The following PSD3 variants were observed in gnomAD, a reference collection of about 807,000 sequenced individuals.
The protein encoded by PSD3 is PH and SEC7 domain-containing protein 3.
A neutral mutation model predicts 105.5 loss-of-function variants in PSD3; 49 were observed. The observed-to-expected ratio is 0.46, with a 90% CI of 0.37 to 0.59. The LOEUF (loss-of-function observed/expected upper bound fraction) is 0.59, where lower values mean the gene tolerates loss of function less well. PSD3 is among the 20% of genes least tolerant of loss of function. The pLI is 0.00. For synonymous variants in PSD3, 557 were observed against 457.8 expected, an observed-to-expected ratio of 1.22 and a Z score of -2.77; for missense variants, 1,561 against 1,263.8, an observed-to-expected ratio of 1.24 and a Z score of -3.57.
intron 15 of PSD3, among the ~76,000 whole-genome samples, chr8:18,541,086 G>T (rs892025538): frequency 6.6e-5 from 10 of 151,076 alleles, no homozygotes; most frequent in Non-Finnish European, 2.9e-5. Flanking sequence ...ATCTAAAACT[G>T]GAACACCTAC....
Position 18,557,575 on chromosome 8 carries a change from C to T in PSD3, c.2785-1223G>A, listed in dbSNP as rs184175900. 2.3e-3 allele frequency: 356 copies of T among 153,720 alleles called. 2 individuals carry two copies. Among genetic ancestry groups the T allele is most frequent in the African/African-American group, 7.5e-3 (313 of 41,498 alleles). The allele number at this position is 153,720 out of a possible 1,614,324, so 9.5% of individuals were successfully genotyped here. ...AATGACAAGTAAAAAGCAGAGGACACGAATGGAAAAATGAACAAGAAAGGT... is the reference window on the plus strand; with the variant it reads ...AATGACAAGTAAAAAGCAGAGGACATGAATGGAAAAATGAACAAGAAAGGT... On this transcript the variant is annotated intron_variant, in intron 14 of 15. Coordinates refer to ENST00000327040, the MANE Select transcript of PSD3 (RefSeq NM_015310.4).
At chr8:19,081,702 A>G (rs1829651323) in intron 1 of PSD3, among the ~76,000 whole-genome samples, 1 of 152,152 alleles carries the variant, frequency 6.6e-6, no homozygotes, top group East Asian at 1.9e-4. Context: ...TCCTTATAAT[A>G]CTTGGAAAGA....
At chr8:18,673,986 T>A (rs1435332731) in intron 9 of PSD3, among the ~76,000 whole-genome samples, 2 of 151,688 alleles carry the variant, frequency 1.3e-5, no homozygotes, top group Non-Finnish European at 2.9e-5. Context: ...TACAAAAAAA[T>A]TAAAAAATGA....
intron 15 of PSD3, among the ~76,000 whole-genome samples, chr8:18,543,228 A>G (rs1334604440): frequency 6.6e-6 from 1 of 151,668 alleles, no homozygotes; most frequent in Non-Finnish European, 1.5e-5. Flanking sequence ...TGTCTACTCA[A>G]GTAAAATTCT....
At chr8:19,019,498 A>C (rs1326232197) in intron 1 of PSD3, among the ~76,000 whole-genome samples, 2 of 152,190 alleles carry the variant, frequency 1.3e-5, no homozygotes, top group Non-Finnish European at 2.9e-5. Flanking sequence ...GCTTAAGTGC[A>C]CAGATAGGAT....
intron 9 of PSD3, among the ~76,000 whole-genome samples, chr8:18,755,087 T>A (rs1206725143): frequency 6.6e-6 from 1 of 152,100 alleles, no homozygotes; most frequent in Non-Finnish European, 1.5e-5. Context: ...TACATGCTCA[T>A]GTTAGTGAGA....
rs138006849 is a variant in PSD3 at position 18,900,471 on chromosome 8, T to C, written c.131-27738A>G. 7.0e-3 allele frequency among the ~76,000 whole-genome samples: 1,063 copies of C among 152,170 alleles called. 4 individuals carry two copies. Among genetic ancestry groups the C allele is most frequent in the Middle Eastern group, 0.02 (6 of 294 alleles). ...ACCACAGCTGCAGACCTCAATCCAT[T>C]TGGTACATATCAAGCAATTCACCCT... On this transcript the variant is annotated intron_variant, in intron 2 of 15. Coordinates refer to ENST00000327040, the MANE Select transcript of PSD3 (RefSeq NM_015310.4).
chr8:18,650,502 C>T (rs948500912), intron 10 of PSD3, among the ~76,000 whole-genome samples: 5 of 152,332 alleles, frequency 3.3e-5, no homozygotes, highest in South Asian at 2.1e-4. Context: ...TCCTATATGA[C>T]GTAGCAGAGA....
At chr8:18,677,706 C>A (rs1250929777) in intron 9 of PSD3, among the ~76,000 whole-genome samples, 1 of 152,160 alleles carries the variant, frequency 6.6e-6, no homozygotes, top group African/African-American at 2.4e-5. Flanking sequence ...GGCTAAGGAT[C>A]ACAGTAAAAC....
intron 9 of PSD3, among the ~76,000 whole-genome samples, chr8:18,738,849 A>C (rs1471006151): frequency 6.6e-6 from 1 of 152,114 alleles, no homozygotes; most frequent in Non-Finnish European, 1.5e-5. Context: ...AACAAAAAAA[A>C]CACCAAGAAA....
chr8:18,781,824 G>A lies in PSD3; in HGVS notation c.2083-16286C>T, dbSNP rs1808663322. On this transcript the variant is annotated intron_variant, in intron 8 of 15. Transcript: ENST00000327040. ...CCATTACCCATCTGTTCTCTTCCAG[G>A]AAAACTGAAAATTCCACTATTTCGT... Among the ~76,000 whole-genome samples, 3 of 152,004 alleles carry A rather than the reference G, an allele frequency of 2.0e-5. No homozygotes were observed. The South Asian group carries it at 6.2e-4, about 32-fold the overall frequency.
intron 8 of PSD3, among the ~76,000 whole-genome samples, chr8:18,784,532 G>C (rs888307774): frequency 1.3e-5 from 2 of 152,118 alleles, no homozygotes; most frequent in East Asian, 3.8e-4. Flanking sequence ...CCCAAGTTTC[G>C]GGTGTCAATT....
chr8:18,644,457 G>C (rs1371878000), intron 10 of PSD3, among the ~76,000 whole-genome samples: 3 of 152,120 alleles, frequency 2.0e-5, no homozygotes, highest in Non-Finnish European at 4.4e-5. Flanking sequence ...AGTTCTCTGT[G>C]ACTTTATTAC....
At chr8:18,930,887 T>C (rs1821708311) in intron 2 of PSD3, among the ~76,000 whole-genome samples, 2 of 152,252 alleles carry the variant, frequency 1.3e-5, no homozygotes, top group South Asian at 4.1e-4. Flanking sequence ...TTTTAAATAA[T>C]TGGACCTTTT....
intron 11 of PSD3, among the ~76,000 whole-genome samples, chr8:18,603,243 G>A (rs1300783211): frequency 6.6e-6 from 1 of 151,940 alleles, no homozygotes; most frequent in Non-Finnish European, 1.5e-5. Context: ...AGCTTTTAGG[G>A]TTTTGATTCC....
At chr8:18,798,557 T>C (rs1465422627) in intron 8 of PSD3, among the ~76,000 whole-genome samples, 4 of 152,174 alleles carry the variant, frequency 2.6e-5, no homozygotes, top group Non-Finnish European at 4.4e-5. Flanking sequence ...AATTTTTAAA[T>C]TGTAAGATAT....
chr8:18,649,669 T>G (rs566544901), intron 10 of PSD3, among the ~76,000 whole-genome samples: 4 of 152,314 alleles, frequency 2.6e-5, no homozygotes, highest in Admixed American at 2.0e-4. Flanking sequence ...TGATATGGTT[T>G]GGATCTGTGC....
intron 4 of PSD3, among the ~76,000 whole-genome samples, chr8:18,829,959 T>C (rs1200126661): frequency 6.6e-6 from 1 of 152,216 alleles, no homozygotes; most frequent in Non-Finnish European, 1.5e-5. Context: ...CAAATCTTAA[T>C]AACTTTATTT....
chr8:19,005,956 C>T (rs1316636408), intron 1 of PSD3, among the ~76,000 whole-genome samples: 1 of 151,812 alleles, frequency 6.6e-6, no homozygotes, highest in African/African-American at 2.4e-5. Flanking sequence ...ATTTAATCTC[C>T]ATGAGCCTCA....
Sources: gnomAD v4.1 joint callset for allele counts (sites outside exome capture counted in the v4.1 genomes callset) on GRCh38, gnomAD v4.1.1 for gene constraint, MANE v1.5 for transcripts, NCBI Gene and HGNC (gene_info 2026-07-23, HGNC 2026-07-21) for gene names.